The following PRKG1 variants were observed in gnomAD, a reference collection of about 807,000 sequenced individuals.
PRKG1 encodes the protein cGMP-dependent protein kinase 1.
A neutral mutation model predicts 88.1 loss-of-function variants in PRKG1; 35 were observed. The ratio of observed to expected loss-of-function variants is 0.40; its 90% CI spans 0.30 to 0.53. PRKG1 has a LOEUF of 0.53. PRKG1 is among the 20% of genes least tolerant of loss of function. PRKG1 has a pLI of 0.59. For missense variants in PRKG1, 540 were observed against 839.8 expected (o/e 0.64, Z 4.41); for synonymous variants, 303 against 292.5 (o/e 1.04, Z -0.37).
At chr10:51,440,116 G>A (rs1839057853) in intron 2 of PRKG1, among the ~76,000 whole-genome samples, 1 of 151,820 alleles carries the variant, frequency 6.6e-6, no homozygotes, top group Non-Finnish European at 1.5e-5. Flanking sequence ...ACTGAGTCAG[G>A]ACAAAAATAA....
chr10:51,069,547 A>T (rs1263589350), upstream of PRKG1, among the ~76,000 whole-genome samples: 1 of 151,894 alleles, frequency 6.6e-6, no homozygotes, highest in African/African-American at 2.4e-5. Context: ...CTATTGTCTG[A>T]CTCATCCCCC....
intron 2 of PRKG1, among the ~76,000 whole-genome samples, chr10:51,191,317 C>G (rs1837624861): frequency 6.6e-6 from 1 of 151,738 alleles, no homozygotes; most frequent in Non-Finnish European, 1.5e-5. Flanking sequence ...CTTTTTTCTA[C>G]TCACCACCTG....
At position 52,245,749 on chromosome 10, in the gene PRKG1, TTTTATTTATTTATTTATTTATTTA is replaced by T. The variant is rs10552419; in HGVS notation, c.1077-5789_1077-5766del. On this transcript the variant is annotated intron_variant, in intron 9 of 17. Transcript: ENST00000373980. ...TGTGGATTGGTAGATGTTAACACCATTTTATTTATTTATTTATTTATTTATTTATTTATTTATTTATTTATTTAT... is the reference window on the plus strand; with the variant it reads ...TGTGGATTGGTAGATGTTAACACCATTTTATTTATTTATTTATTTATTTAT... Among the ~76,000 whole-genome samples, 105 of 138,114 alleles carry T rather than the reference TTTTATTTATTTATTTATTTATTTA, an allele frequency of 7.6e-4. 2 individuals are homozygous for T. The highest frequency in any genetic ancestry group is 7.4e-3 in the Middle Eastern group (2 of 270). The allele number at this position is 138,114 out of a possible 152,430, so 90.6% of individuals were successfully genotyped here. A position where few individuals can be genotyped will look rare whatever the true frequency, so the allele number is the denominator to read the frequency against.
chr10:52,017,209 A>G (rs1369096816), intron 5 of PRKG1, among the ~76,000 whole-genome samples: 2 of 152,216 alleles, frequency 1.3e-5, no homozygotes, highest in African/African-American at 2.4e-5. Flanking sequence ...TGGAGGAAAC[A>G]TGGAAAAATT....
At chr10:51,284,777 A>G in intron 2 of PRKG1, among the ~76,000 whole-genome samples, 1 of 142,898 alleles carries the variant, frequency 7.0e-6, no homozygotes, top group Non-Finnish European at 1.5e-5. Context: ...TTATATATAT[A>G]TTTTTTGTAA....
intron 2 of PRKG1, among the ~76,000 whole-genome samples, chr10:51,259,902 C>G (rs1839660433): frequency 2.0e-5 from 3 of 152,108 alleles, no homozygotes; most frequent in Admixed American, 1.3e-4. Flanking sequence ...TGTAGTCACC[C>G]CTCCTAAGTG....
intron 3 of PRKG1, among the ~76,000 whole-genome samples, chr10:51,560,887 T>C (rs10998121): frequency 1.4e-4 from 22 of 151,936 alleles, no homozygotes; most frequent in Admixed American, 1.3e-4. Context: ...TTCAATAGTA[T>C]ATTTATTTAG....
chr10:51,365,692 G>A (rs551764793), intron 2 of PRKG1, among the ~76,000 whole-genome samples: 10 of 152,042 alleles, frequency 6.6e-5, no homozygotes, highest in Non-Finnish European at 1.3e-4. Flanking sequence ...ATTAGAATCT[G>A]CATTTTAACC....
chr10:51,281,825 G>T (rs770962089), intron 2 of PRKG1, among the ~76,000 whole-genome samples: 1 of 152,126 alleles, frequency 6.6e-6, no homozygotes, highest in Non-Finnish European at 1.5e-5. Context: ...CTAAACTTGG[G>T]CTTTCTCCTG....
At chr10:51,574,510 A>G (rs181853687) in intron 3 of PRKG1, among the ~76,000 whole-genome samples, 7 of 152,096 alleles carry the variant, frequency 4.6e-5, no homozygotes, top group African/African-American at 1.4e-4. Flanking sequence ...GGCAAATGGT[A>G]GCACTCAACA....
chr10:51,156,240 CT>C (rs1295633355), intron 2 of PRKG1, among the ~76,000 whole-genome samples: 1 of 148,508 alleles, frequency 6.7e-6, no homozygotes, highest in Non-Finnish European at 1.5e-5. Flanking sequence ...GTCAATACAT[CT>C]TATGCTGCAT....
chr10:51,931,787 A>C (rs942864754), intron 5 of PRKG1, among the ~76,000 whole-genome samples: 1 of 152,172 alleles, frequency 6.6e-6, no homozygotes, highest in Non-Finnish European at 1.5e-5. Context: ...TGTTTATAAG[A>C]AGGATGTAGT....
At chr10:52,291,561 C>A (rs573822881) in intron 17 of PRKG1, among the ~76,000 whole-genome samples, 1 of 152,074 alleles carries the variant, frequency 6.6e-6, no homozygotes. Context: ...ATTTCATCCA[C>A]GTCCCTACAA....
At chr10:51,264,561 G>T (rs1472194867) in intron 2 of PRKG1, among the ~76,000 whole-genome samples, 2 of 152,186 alleles carry the variant, frequency 1.3e-5, no homozygotes, top group Non-Finnish European at 2.9e-5. Context: ...CTACACATTA[G>T]TTGGTTTGAC....
In PRKG1 at chr10:51,747,767, T is replaced by G. The variant is rs900311566; in HGVS notation, c.593-56818T>G. On this transcript the variant is annotated intron_variant, in intron 3 of 17. Transcript: ENST00000373980. ...TTATAGACTTTTAGTACTTAGGACT[T>G]TTTTTTGGAGAGGGGCACGAGGGTT... is the stretch of plus-strand genomic sequence containing the variant. 9.9e-5 allele frequency among the ~76,000 whole-genome samples: 15 copies of G among 152,228 alleles called. No individual in the cohort carries two copies. The South Asian group carries it at 2.9e-3, about 29-fold the overall frequency.
chr10:51,758,786 G>A (rs1183749484), intron 3 of PRKG1, among the ~76,000 whole-genome samples: 2 of 152,006 alleles, frequency 1.3e-5, no homozygotes, highest in African/African-American at 4.8e-5. Context: ...CCACCAACCT[G>A]TCATCTAGGT....
intron 9 of PRKG1, among the ~76,000 whole-genome samples, chr10:52,195,733 C>T (rs963949165): frequency 5.9e-5 from 9 of 151,824 alleles, no homozygotes; most frequent in African/African-American, 2.2e-4. Context: ...TTAGAGTGTC[C>T]GAATGACAAT....
intron 2 of PRKG1, among the ~76,000 whole-genome samples, chr10:51,203,594 A>G (rs1837968214): frequency 6.6e-6 from 1 of 152,218 alleles, no homozygotes. Flanking sequence ...ACCCTCAAAC[A>G]GCACTGTGGA....
At chr10:51,404,381 G>T (rs1283803498) in intron 2 of PRKG1, among the ~76,000 whole-genome samples, 1 of 152,156 alleles carries the variant, frequency 6.6e-6, no homozygotes, top group African/African-American at 2.4e-5. Context: ...TGAATCCACA[G>T]GTTATATGTT....
Sources: gnomAD v4.1 joint callset for allele counts (sites outside exome capture counted in the v4.1 genomes callset) on GRCh38, gnomAD v4.1.1 for gene constraint, MANE v1.5 for transcripts, NCBI Gene and HGNC (gene_info 2026-07-23, HGNC 2026-07-21) for gene names.